Variants in ZFAT observed in about 807,000 individuals in gnomAD.
ZFAT encodes the protein zinc finger protein ZFAT.
A neutral mutation model predicts 117.7 loss-of-function variants in ZFAT; 64 were observed. That is an observed-to-expected ratio of 0.54 (90% CI 0.44 to 0.67). The LOEUF (loss-of-function observed/expected upper bound fraction) is 0.67, where lower values mean the gene tolerates loss of function less well. Among genes scored for constraint, ZFAT ranks in the 30% least tolerant of loss-of-function variants. The pLI, the probability that ZFAT is intolerant of heterozygous loss-of-function variation, is 0.00. For missense variants in ZFAT, 1,433 were observed against 1,584.5 expected (o/e 0.90, Z 1.62); for synonymous variants, 679 against 615.0 (o/e 1.10, Z -1.54).
chr8:134,748,594 G>T, the ZFAT span, among the ~76,000 whole-genome samples: 1 of 152,134 alleles, frequency 6.6e-6, no homozygotes, highest in Admixed American at 6.5e-5. Flanking sequence ...GTACGTATGA[G>T]TATCTCTAAA....
chr8:134,817,428 CACACACACA>C, the ZFAT span, among the ~76,000 whole-genome samples: 43 of 122,764 alleles, frequency 3.5e-4, 1 homozygote, highest in Non-Finnish European at 1.4e-4. Flanking sequence ...CACACACACA[CACACACACA>C]ACGCACCCTT....
At chr8:134,536,665 A>G (rs1385088401) in intron 11 of ZFAT, among the ~76,000 whole-genome samples, 1 of 152,202 alleles carries the variant, frequency 6.6e-6, no homozygotes, top group Non-Finnish European at 1.5e-5. Context: ...TCAAGATTTC[A>G]TTTATGAAGC....
the ZFAT span, among the ~76,000 whole-genome samples, chr8:134,787,088 A>G: frequency 6.6e-6 from 1 of 152,122 alleles, no homozygotes; most frequent in Non-Finnish European, 1.5e-5. Flanking sequence ...GTCTTAAGCT[A>G]TCCTCATGCC....
chr8:134,601,976 C>CA lies in ZFAT; in HGVS notation c.1742dup (p.Val582GlyfsTer15). 6.2e-7 allele frequency: 1 copy of CA among 1,613,744 alleles called. No homozygotes were observed. The highest frequency in any genetic ancestry group is 8.5e-7 in the Non-Finnish European group (1 of 1,179,942). ...GAGAATGCAGGTCTGAGGAGGAGAC[C>CA]ACGGTGGTTTCCAGCTCACAGGGTG... On this transcript the variant is annotated frameshift_variant, in exon 6 of 16. Coordinates refer to ENST00000377838, the MANE Select transcript of ZFAT (RefSeq NM_020863.4). LOFTEE classifies it high-confidence loss of function.
At chr8:134,621,530 G>A (rs1829103855) in intron 3 of ZFAT, among the ~76,000 whole-genome samples, 1 of 152,040 alleles carries the variant, frequency 6.6e-6, no homozygotes, top group South Asian at 2.1e-4. Context: ...CAGAAAACAA[G>A]GCCCTTAGCT....
chr8:134,746,503 A>C, the ZFAT span, among the ~76,000 whole-genome samples: 1 of 152,216 alleles, frequency 6.6e-6, no homozygotes, highest in Non-Finnish European at 1.5e-5. Context: ...TTTAAATTGC[A>C]CTTGGCTAAC....
chr8:134,562,554 G>A (rs534240899), intron 11 of ZFAT, among the ~76,000 whole-genome samples: 1 of 152,274 alleles, frequency 6.6e-6, no homozygotes, highest in African/African-American at 2.4e-5. Context: ...TAAGTTGTGG[G>A]ATGAGAGAAA....
chr8:134,772,964 C>A, the ZFAT span, among the ~76,000 whole-genome samples: 1 of 152,032 alleles, frequency 6.6e-6, no homozygotes, highest in South Asian at 2.1e-4. Context: ...TAGCAGCATA[C>A]ACCTGTAGTC....
the ZFAT span, among the ~76,000 whole-genome samples, chr8:134,773,984 A>ATTTTTTTTTTTTTTTTTTTTTTTT: frequency 2.9e-5 from 3 of 103,300 alleles, no homozygotes; most frequent in African/African-American, 1.2e-4. Context: ...TTGAGGATTA[A>ATTTTTTTTTTTTTTTTTTTTTTTT]TTTTTTTTTT....
the ZFAT span, among the ~76,000 whole-genome samples, chr8:134,832,160 G>A: frequency 6.6e-6 from 1 of 150,640 alleles, no homozygotes; most frequent in African/African-American, 2.4e-5. Context: ...CAGGGGGCGC[G>A]GCGAGAGCTG....
intron 3 of ZFAT, among the ~76,000 whole-genome samples, chr8:134,633,354 TAAC>T (rs1830012088): frequency 6.6e-6 from 1 of 152,292 alleles, no homozygotes; most frequent in Non-Finnish European, 1.5e-5. Context: ...AATAACAACT[TAAC>T]AAGCATTTCA....
intron 3 of ZFAT, among the ~76,000 whole-genome samples, chr8:134,629,096 T>C (rs546320128): frequency 1.3e-5 from 2 of 152,018 alleles, no homozygotes; most frequent in East Asian, 1.9e-4. Flanking sequence ...AGGGGAAGGA[T>C]TGAAGTGATA....
intron 7 of ZFAT, among the ~76,000 whole-genome samples, chr8:134,592,391 A>G (rs1826574401): frequency 6.6e-6 from 1 of 152,232 alleles, no homozygotes; most frequent in Non-Finnish European, 1.5e-5. Flanking sequence ...TGGACTCCAG[A>G]GCTCTTGCTC....
chr8:134,583,418 A>G (rs1825847876), intron 10 of ZFAT, among the ~76,000 whole-genome samples: 1 of 152,232 alleles, frequency 6.6e-6, no homozygotes, highest in African/African-American at 2.4e-5. Flanking sequence ...CCACTGAGGT[A>G]GCTTGGATGA....
At position 134,500,495 on chromosome 8, in the gene ZFAT, A is replaced by G. The variant is rs542300199; in HGVS notation, c.3492+9124T>C. Reference sequence around the variant, plus strand: ...TCTCTATGTTTTCAGACCATTTCTCATATGGCCACAGATATATCATGGGGC... The same window carrying G: ...TCTCTATGTTTTCAGACCATTTCTCGTATGGCCACAGATATATCATGGGGC... On this transcript the variant is annotated intron_variant, in intron 15 of 15. Coordinates refer to ENST00000377838, the MANE Select transcript of ZFAT (RefSeq NM_020863.4). 1.9e-4 allele frequency among the ~76,000 whole-genome samples: 29 copies of G among 152,342 alleles called. No homozygotes were observed. In the South Asian group the frequency reaches 5.8e-3, roughly 30 times the overall value.
At chr8:134,744,527 C>G in the ZFAT span, among the ~76,000 whole-genome samples, 6 of 151,628 alleles carry the variant, frequency 4.0e-5, no homozygotes, top group Non-Finnish European at 5.9e-5. Flanking sequence ...AACTCCTGAC[C>G]TCAAGTGATC....
chr8:134,719,189 A>G, the ZFAT span, among the ~76,000 whole-genome samples: 1 of 152,210 alleles, frequency 6.6e-6, no homozygotes, highest in African/African-American at 2.4e-5. Context: ...AACCATATGC[A>G]TATACTGCCT....
At chr8:134,688,584 T>G (rs1833448271) in intron 1 of ZFAT, among the ~76,000 whole-genome samples, 1 of 152,140 alleles carries the variant, frequency 6.6e-6, no homozygotes, top group East Asian at 1.9e-4. Context: ...AGCCAGGACT[T>G]GGGTTTCCAG....
intron 13 of ZFAT, among the ~76,000 whole-genome samples, chr8:134,514,245 C>G (rs903767958): frequency 6.6e-6 from 1 of 152,192 alleles, no homozygotes; most frequent in Non-Finnish European, 1.5e-5. Context: ...GTTGGGTTCA[C>G]GGCTCTGCAT....
Sources: allele counts gnomAD v4.1 joint callset (sites outside exome capture counted in the v4.1 genomes callset), GRCh38; gene constraint gnomAD v4.1.1; transcripts MANE v1.5; gene names NCBI Gene and HGNC (gene_info 2026-07-23, HGNC 2026-07-21).